The following PLCH2 variants were observed in gnomAD, a reference collection of about 807,000 sequenced individuals.
The protein encoded by PLCH2 is phospholipase C eta 2.
In PLCH2, 98 loss-of-function variants were observed where a neutral mutation model predicts 134.7. That is an observed-to-expected ratio of 0.73 (90% CI 0.62 to 0.86). The LOEUF (loss-of-function observed/expected upper bound fraction) is 0.86, where lower values mean the gene tolerates loss of function less well. PLCH2 is among the 40% of genes least tolerant of loss of function. The pLI, the probability that PLCH2 is intolerant of heterozygous loss-of-function variation, is 0.00. For missense variants in PLCH2, 1,994 were observed against 1,986.6 expected, an observed-to-expected ratio of 1.00 and a Z score of -0.07; for synonymous variants, 974 against 827.5, an observed-to-expected ratio of 1.18 and a Z score of -3.04.
At chr1:2,467,312 C>G (rs1641102263), upstream of PLCH2, 3 of 334,580 alleles carry the variant, frequency 9.0e-6, no homozygotes, top group Admixed American at 1.5e-4. Flanking sequence ...GCCAGAGACC[C>G]CAGCCCAGGT....
Position 2,444,132 on chromosome 1 carries a change from G to A in PLCH2, c.115+13503G>A, listed in dbSNP as rs1639828293. 1.3e-5 allele frequency among the ~76,000 whole-genome samples: 2 copies of A among 152,216 alleles called. No individual in the cohort carries two copies. The highest frequency in any genetic ancestry group is 4.8e-5 in the African/African-American group (2 of 41,466). ...GTGGCACGGGCAGGGGTGCGGGCGCGGGACTGTGGGCGGGACGGGCGGAGC... is the reference window on the plus strand; with the variant it reads ...GTGGCACGGGCAGGGGTGCGGGCGCAGGACTGTGGGCGGGACGGGCGGAGC... On this transcript the variant is annotated intron_variant, in intron 2 of 3. Transcript: ENST00000609981. The surrounding 1 kb of genome is among the most constrained non-coding windows in gnomAD (Gnocchi z 4.6).
chr1:2,416,872 A>C, the PLCH2 span, among the ~76,000 whole-genome samples: 5 of 152,164 alleles, frequency 3.3e-5, no homozygotes, highest in African/African-American at 1.2e-4. Flanking sequence ...TTGGCCGGGG[A>C]CCAGCAGGAA....
chr1:2,478,638 G>T lies in PLCH2; in HGVS notation c.271+16G>T, dbSNP rs1641777768. 15 of 1,598,958 alleles carry T rather than the reference G, an allele frequency of 9.4e-6. No homozygotes were observed. Among genetic ancestry groups the T allele is most frequent in the Non-Finnish European group, 1.3e-5 (15 of 1,173,616 alleles). On this transcript the variant is annotated intron_variant, in intron 2 of 21. Transcript: ENST00000378486. ...AAGGCCAAGAGTGAGTGGGAGCCCT[G>T]GGGTGGGGACAAATCAGAGTCCCTG...
At chr1:2,474,312 T>TG (rs945510706), upstream of PLCH2, among the ~76,000 whole-genome samples, 2 of 152,174 alleles carry the variant, frequency 1.3e-5, no homozygotes, top group African/African-American at 4.8e-5. Flanking sequence ...GTTCTGTGTC[T>TG]GCCTGAGTTT....
rs1040201149 is a variant in PLCH2 at position 2,448,425 on chromosome 1, T to G, written c.115+17796T>G. On this transcript the variant is annotated intron_variant, in intron 2 of 3. Transcript: ENST00000609981. This position sits in a 1 kb window ranked among gnomAD's most constrained non-coding sequence, Gnocchi z 4.0. ...GCTTCTGCCTGTCTTCCCTCGCCCT[T>G]CTCTCCGTCTTCTCTTGCGCCTCGA... 1.3e-5 allele frequency among the ~76,000 whole-genome samples: 2 copies of G among 152,130 alleles called. No individual in the cohort carries two copies. Among genetic ancestry groups the G allele is most frequent in the Non-Finnish European group, 2.9e-5 (2 of 68,010 alleles).
intron 4 of PLCH2, among the ~76,000 whole-genome samples, chr1:2,483,757 C>CCCCGTGTGGGGGGCATTGACT (rs138594264): frequency 1.0e-5 from 1 of 96,036 alleles, no homozygotes; most frequent in African/African-American, 4.1e-5. Flanking sequence ...TGTTGTTGAC[C>CCCCGTGTGGGGGGCATTGACT]CCCGTTTGGG....
At chr1:2,462,510 G>A (rs910053299), upstream of PLCH2, among the ~76,000 whole-genome samples, 3 of 151,590 alleles carry the variant, frequency 2.0e-5, no homozygotes, top group Non-Finnish European at 4.4e-5. Flanking sequence ...TTGTCCCCAT[G>A]GCCTGCTGTC....
rs2100535443 is a variant in PLCH2, at chr1:2,444,179, C to A, written c.115+13550C>A. ...GAGCGGTCTTGAGCTCTCCGGATGGCCTCAGGTGCGGGGTGAGGGATCTGG... is the reference window on the plus strand; with the variant it reads ...GAGCGGTCTTGAGCTCTCCGGATGGACTCAGGTGCGGGGTGAGGGATCTGG... On this transcript the variant is annotated intron_variant, in intron 2 of 3. Transcript: ENST00000609981. This position sits in a 1 kb window ranked among gnomAD's most constrained non-coding sequence, Gnocchi z 4.6. 6.6e-6 allele frequency among the ~76,000 whole-genome samples: 1 copy of A among 152,288 alleles called. No homozygotes were observed. The highest frequency in any genetic ancestry group is 3.4e-3 in the Middle Eastern group (1 of 294).
intron 4 of PLCH2, among the ~76,000 whole-genome samples, chr1:2,483,212 CCTG>C (rs1458446421): frequency 6.6e-6 from 1 of 152,218 alleles, no homozygotes; most frequent in African/African-American, 2.4e-5. Context: ...TAGGCGGACA[CCTG>C]CTGGCTGGGT....
Position 2,478,563 on chromosome 1 carries a change from T to G in PLCH2, c.212T>G (p.Leu71Arg). Reference sequence around the variant, plus strand: ...AAGGGCCTGGTCCGCTTCTACTACCTGGACGAGCACCGCTCCTGCATCCGC... The same window carrying G: ...AAGGGCCTGGTCCGCTTCTACTACCGGGACGAGCACCGCTCCTGCATCCGC... ...GSKGLVRFYY[L>R]DEHRSCIRWR... is the part of the protein sequence containing the mutation. Residue 71 changes from leucine (L) to arginine (R), a missense_variant, in exon 2 of 22, where the codon CTG becomes CGG. Leu to Arg is a moderately radical substitution (Grantham distance 102). Transcript: ENST00000378486. The G allele has an allele frequency of 6.2e-7, 1 of 1,612,622 alleles. No homozygotes were observed. The highest frequency in any genetic ancestry group is 8.5e-7 in the Non-Finnish European group (1 of 1,179,730).
chr1:2,487,739 G>C (rs767343687), intron 8 of PLCH2, 21 bp downstream of exon 8: 1 of 1,609,606 alleles, frequency 6.2e-7, no homozygotes, highest in African/African-American at 1.3e-5. Flanking sequence ...GGGCCTAGCG[G>C]GGCTGGCCCC....
upstream of PLCH2, among the ~76,000 whole-genome samples, chr1:2,476,116 T>C (rs1448258242): frequency 6.6e-6 from 1 of 152,188 alleles, no homozygotes; most frequent in Non-Finnish European, 1.5e-5. Context: ...TTGGTCCTGC[T>C]CTTGTCCCGC....
chr1:2,434,638 G>A (rs1639237234), intron 2 of PLCH2, among the ~76,000 whole-genome samples: 1 of 152,198 alleles, frequency 6.6e-6, no homozygotes, highest in Middle Eastern at 3.2e-3. Flanking sequence ...GCCAAGTGTG[G>A]CAAGGGCCTG....
the PLCH2 span, among the ~76,000 whole-genome samples, chr1:2,420,235 G>T: frequency 6.6e-6 from 1 of 152,164 alleles, no homozygotes; most frequent in Non-Finnish European, 1.5e-5. Context: ...AGGAGCCAGT[G>T]TCTGGGGGGC....
intron 2 of PLCH2, among the ~76,000 whole-genome samples, chr1:2,433,257 T>A (rs1410837952): frequency 1.3e-5 from 2 of 152,206 alleles, no homozygotes; most frequent in Non-Finnish European, 2.9e-5. Flanking sequence ...TGGGTGGTGG[T>A]GCTGGGAGCA....
chr1:2,491,432 A>G (rs1457266458), intron 11 of PLCH2, 97 bp downstream of exon 11: 3 of 1,273,508 alleles, frequency 2.4e-6, no homozygotes, highest in Non-Finnish European at 3.3e-6. Flanking sequence ...CTCTGTGCGC[A>G]CTCACACCTG....
At chr1:2,500,085 C>G in intron 20 of PLCH2, 2 of 328,548 alleles carry the variant, frequency 6.1e-6, no homozygotes, top group South Asian at 9.5e-5. Flanking sequence ...AGTGATGCCC[C>G]TCTCCCCTCT....
chr1:2,434,867 C>T (rs573609003), intron 2 of PLCH2, among the ~76,000 whole-genome samples: 2 of 152,282 alleles, frequency 1.3e-5, no homozygotes, highest in Non-Finnish European at 2.9e-5. Context: ...CTGTGGGTTG[C>T]GTATGTCCTC....
chr1:2,416,217 A>C, the PLCH2 span, among the ~76,000 whole-genome samples: 1,621 of 152,284 alleles, frequency 0.011, 32 homozygotes, highest in African/African-American at 0.037. Flanking sequence ...CAGGAGCTGG[A>C]CGCAGCAGGT....
Sources: gnomAD v4.1 joint callset for allele counts (sites outside exome capture counted in the v4.1 genomes callset) on GRCh38, gnomAD v4.1.1 for gene constraint, Gnocchi (gnomAD v3.1) non-coding constraint, MANE v1.5 for transcripts, NCBI Gene and HGNC (gene_info 2026-07-23, HGNC 2026-07-21) for gene names.